The following RPGR variants were observed in gnomAD, a reference collection of about 807,000 sequenced individuals.
RPGR encodes the protein retinitis pigmentosa GTPase regulator, also known as X-linked retinitis pigmentosa GTPase regulator.
A neutral mutation model predicts 56.3 loss-of-function variants in RPGR; 10 were observed. The observed-to-expected ratio is 0.18, with a 90% CI of 0.11 to 0.30. The LOEUF is 0.30. RPGR is among the 10% of genes least tolerant of loss of function. RPGR has a pLI of 1.00. For synonymous variants in RPGR, 197 were observed against 212.9 expected (o/e 0.93, Z 0.65); for missense variants, 538 against 590.9 (o/e 0.91, Z 0.93).
rs1044939968 is a variant in RPGR, at chrX:38,298,966, C to T, written c.1235G>A (p.Arg412Gln). The change falls in exon 10 of 19, where the codon CGA (arginine) becomes CAA (glutamine). Residue 412 changes from arginine (R) to glutamine (Q), a missense_variant. Arg to Gln is a conservative substitution (Grantham distance 43, BLOSUM62 1). Transcript: ENST00000642395. The stretch of plus-strand genomic sequence containing the variant: ...AGGCCACAATTGTACCCTCTCTCTT[C>T]GCCGCATACGTGCTGATAGAGTCCT... 2.5e-6 allele frequency: 3 copies of T among 1,211,410 alleles called. No individual in the cohort carries two copies. Among genetic ancestry groups the T allele is most frequent in the Admixed American group, 4.3e-5 (2 of 46,023 alleles).
chrX:38,289,501 G>A (rs2067247317), intron 13 of RPGR, among the ~76,000 whole-genome samples: 1 of 112,008 alleles, frequency 8.9e-6, no homozygotes, highest in African/African-American at 3.2e-5. Context: ...CAAGCTAATG[G>A]ATGCAAATAT....
At chrX:38,311,594 G>A (rs763068286) in intron 6 of RPGR, among the ~76,000 whole-genome samples, 41 of 111,861 alleles carry the variant, frequency 3.7e-4, no homozygotes, top group African/African-American at 1.2e-3. Context: ...CCCAACCCCT[G>A]AGAAGGTGGC....
intron 1 of RPGR, chrX:38,327,049 C>T: frequency 2.3e-5 from 7 of 309,225 alleles, no homozygotes; most frequent in Middle Eastern, 1.8e-3. Context: ...AAGAGTGAAA[C>T]TCCGTCTCAT....
At chrX:38,318,023 C>G (rs1437209040) in intron 5 of RPGR, 1 of 111,241 alleles carries the variant, frequency 9.0e-6, no homozygotes, top group Non-Finnish European at 1.9e-5. Flanking sequence ...TGTACAGCAT[C>G]TCAAAAATAG....
In RPGR at chrX:38,287,915, T is replaced by A; in HGVS notation, c.1699A>T (p.Ile567Phe). The A allele has an allele frequency of 2.5e-6, 3 of 1,211,076 alleles. No homozygotes were observed. The highest frequency in any genetic ancestry group is 3.4e-6 in the Non-Finnish European group (3 of 895,184). ...GTCGTAGCTGGCTGCGTCATGAAAA[T>A]CCCTTGTGACACATGTTGTTTACAT... Residue 567 changes from isoleucine (I) to phenylalanine (F), a missense_variant, in exon 14 of 19, where the codon ATT becomes TTT. This residue lies in a region of RPGR where 357 missense variants were observed against 325.8 expected (regional missense o/e 1.10). Coordinates refer to ENST00000642395, the MANE Select transcript of RPGR (RefSeq NM_000328.3).
chrX:38,327,452 C>G lies in RPGR; in HGVS notation c.-85G>C. The G allele has an allele frequency of 1.1e-6, 1 of 949,159 alleles. No homozygotes were observed. The highest frequency in any genetic ancestry group is 1.4e-6 in the Non-Finnish European group (1 of 708,492). 78.2% of individuals were successfully genotyped at this position (949,159 alleles called of 1,213,427 possible). ...CGGGGCTAAAGCAGCTACTCCGCAC[C>G]GACGCGGGCCGCGAAAGCCCCCAAG... On this transcript the variant is annotated 5_prime_UTR_variant, in exon 1 of 19. Transcript: ENST00000642395.
intron 16 of RPGR, among the ~76,000 whole-genome samples, chrX:38,275,814 G>A (rs974663547): frequency 1.8e-5 from 2 of 111,801 alleles, no homozygotes; most frequent in African/African-American, 6.5e-5. Context: ...GACCAATGAT[G>A]AGAGTGTTTC....
chrX:38,325,166 T>C (rs1294127340), intron 1 of RPGR, among the ~76,000 whole-genome samples: 1 of 88,677 alleles, frequency 1.1e-5, no homozygotes, highest in Non-Finnish European at 2.1e-5. Flanking sequence ...TGACTGTGAC[T>C]CCGTCTCAAA....
At position 38,269,269 on chromosome X, in the gene RPGR, C is replaced by T. The variant is rs763561218; in HGVS notation, c.*357G>A. On this transcript the variant is annotated 3_prime_UTR_variant, in exon 19 of 19. Transcript: ENST00000642395. ...AATACATCAAAAACTGTTACAGTGT[C>T]GTAAGATTGCAAATATTGCCTTATA... The T allele has an allele frequency of 2.0e-4, 26 of 131,215 alleles. No individual in the cohort carries two copies. Among genetic ancestry groups the T allele is most frequent in the Admixed American group, 4.1e-4 (5 of 12,239 alleles). 10.8% of individuals were successfully genotyped at this position (131,215 alleles called of 1,213,427 possible). A position where few individuals can be genotyped will look rare whatever the true frequency, so the allele number is the denominator to read the frequency against.
In RPGR at chrX:38,286,101, C is replaced by T. The variant is rs1064797363; in HGVS notation, c.1905+993G>A. 506 of 372,188 alleles carry T rather than the reference C, an allele frequency of 1.4e-3. 3 individuals are homozygous for T. The highest frequency in any genetic ancestry group is 6.4e-3 in the South Asian group (169 of 26,276). The allele number at this position is 372,188 out of a possible 1,213,427, so 30.7% of individuals were successfully genotyped here. A position where few individuals can be genotyped will look rare whatever the true frequency, so the allele number is the denominator to read the frequency against. ...CCCCTTCCCCTTCTCCTTCCTCTTC[C>T]CCCTCCCCTTCTCCTTCCTCCTCTT... On this transcript the variant is annotated intron_variant, in intron 15 of 18. Coordinates refer to ENST00000642395, the MANE Select transcript of RPGR (RefSeq NM_000328.3).
At chrX:38,288,721 C>T (rs1433302862) in intron 13 of RPGR, among the ~76,000 whole-genome samples, 1 of 111,854 alleles carries the variant, frequency 8.9e-6, no homozygotes, top group Non-Finnish European at 1.9e-5. Flanking sequence ...AAAAAATGTA[C>T]ACTTTTCTTA....
rs189327353 is a variant in RPGR, at chrX:38,299,786, T to C, written c.1060-645A>G. 7.0e-4 allele frequency among the ~76,000 whole-genome samples: 77 copies of C among 110,542 alleles called. 1 individual carries two copies. The East Asian group carries it at 0.017, about 25-fold the overall frequency. On this transcript the variant is annotated intron_variant, in intron 9 of 18. Transcript: ENST00000642395. ...GTATTTTCCGTACATAGGTTCTAGATACTTTATAATGTTCTATTTTTCCTT... is the reference window on the plus strand; with the variant it reads ...GTATTTTCCGTACATAGGTTCTAGACACTTTATAATGTTCTATTTTTCCTT...
At chrX:38,291,073 CTATAT>C (rs1471742729) in intron 12 of RPGR, 49 bp from the exon 13 acceptor site, 3 of 350,131 alleles carry the variant, frequency 8.6e-6, no homozygotes, top group Non-Finnish European at 1.3e-5. Context: ...AGTATATATA[CTATAT>C]ATTTGTATAT....
intron 5 of RPGR, chrX:38,318,037 A>G (rs952288062): frequency 8.9e-6 from 1 of 112,037 alleles, no homozygotes; most frequent in African/African-American, 3.2e-5. Flanking sequence ...AAAATAGGTA[A>G]CATATAATTT....
At chrX:38,321,820 T>C (rs2067946535) in intron 3 of RPGR, among the ~76,000 whole-genome samples, 1 of 111,595 alleles carries the variant, frequency 9.0e-6, no homozygotes. Flanking sequence ...AAGACCAATA[T>C]TGATAGGCAT....
Position 38,269,412 on chromosome X carries a change from G to A in RPGR, c.*214C>T, listed in dbSNP as rs2066788531. 1 of 357,584 alleles carries A rather than the reference G, an allele frequency of 2.8e-6. No homozygotes were observed. Among genetic ancestry groups the A allele is most frequent in the Admixed American group, 4.9e-5 (1 of 20,474 alleles). The allele number at this position is 357,584 out of a possible 1,213,427, so 29.5% of individuals were successfully genotyped here. A position where few individuals can be genotyped will look rare whatever the true frequency, so the allele number is the denominator to read the frequency against. ...GAACAGTTAAGGCCACAACACTTTA[G>A]GGAGAATTTGAGATACACATATTTT... On this transcript the variant is annotated 3_prime_UTR_variant, in exon 19 of 19. Coordinates refer to ENST00000642395, the MANE Select transcript of RPGR (RefSeq NM_000328.3).
intron 15 of RPGR, among the ~76,000 whole-genome samples, chrX:38,281,116 G>C (rs2067021756): frequency 8.9e-6 from 1 of 112,383 alleles, no homozygotes; most frequent in African/African-American, 3.2e-5. Context: ...TAAATGTTCA[G>C]AGTATAGAAT....
rs769179127 is a variant in RPGR at position 38,286,077 on chromosome X, C to T, written c.1905+1017G>A. On this transcript the variant is annotated intron_variant, in intron 15 of 18. Transcript: ENST00000642395. ...CTTCCCCCTCCCCTTCTCCTTCCTC[C>T]CCTTCCCCTTCTCCTTCCTCTTCCC... 317 of 447,501 alleles carry T rather than the reference C, an allele frequency of 7.1e-4. 1 individual carries two copies. The highest frequency in any genetic ancestry group is 8.9e-4 in the Non-Finnish European group (292 of 326,276). The allele number at this position is 447,501 out of a possible 1,213,427, so 36.9% of individuals were successfully genotyped here. A position where few individuals can be genotyped will look rare whatever the true frequency, so the allele number is the denominator to read the frequency against.
chrX:38,283,619 T>C (rs942559082), intron 15 of RPGR, among the ~76,000 whole-genome samples: 1 of 112,162 alleles, frequency 8.9e-6, no homozygotes, highest in African/African-American at 3.2e-5. Context: ...CTACCACTTC[T>C]AAAGAGCACA....
Sources: allele counts gnomAD v4.1 joint callset (sites outside exome capture counted in the v4.1 genomes callset), GRCh38; gene constraint gnomAD v4.1.1; regional missense constraint gnomAD v4.1.1; transcripts MANE v1.5; gene names NCBI Gene and HGNC (gene_info 2026-07-23, HGNC 2026-07-21).